Variants in DMD observed in about 807,000 individuals in gnomAD.
DMD encodes the protein mutant dystrophin.
Under a neutral mutation model 330.1 loss-of-function variants are expected in DMD, and 63 were observed. The ratio of observed to expected loss-of-function variants is 0.19; its 90% confidence interval spans 0.16 to 0.24. The LOEUF (loss-of-function observed/expected upper bound fraction) is 0.24, where lower values mean the gene tolerates loss of function less well. Ranked by LOEUF, DMD falls within the 10% of genes least tolerant of loss-of-function variation. DMD has a pLI of 1.00. For synonymous variants in DMD, 1,223 were observed against 959.8 expected, an observed-to-expected ratio of 1.27 and a Z score of -5.07; for missense variants, 3,344 against 2,684.1, an observed-to-expected ratio of 1.25 and a Z score of -5.43.
At chrX:32,828,596 CAT>C (rs1367652810) in intron 4 of DMD, among the ~76,000 whole-genome samples, 1 of 109,399 alleles carries the variant, frequency 9.1e-6, no homozygotes, top group Non-Finnish European at 1.9e-5. Flanking sequence ...CATCTATACA[CAT>C]ATATACATAT....
chrX:32,845,372 A>G, intron 3 of DMD, among the ~76,000 whole-genome samples: 1 of 112,083 alleles, frequency 8.9e-6, no homozygotes, highest in Admixed American at 9.5e-5. Context: ...CTCAATCCCA[A>G]AAGTTGTATC....
At chrX:32,304,919 C>G (rs1325011386) in intron 42 of DMD, among the ~76,000 whole-genome samples, 1 of 111,229 alleles carries the variant, frequency 9.0e-6, no homozygotes, top group East Asian at 2.8e-4. Flanking sequence ...AAATTCAACT[C>G]GAATTCAAAA....
chrX:32,909,416 C>T (rs900414586), intron 2 of DMD, among the ~76,000 whole-genome samples: 3 of 111,403 alleles, frequency 2.7e-5, no homozygotes, highest in Non-Finnish European at 5.7e-5. Context: ...ATAGTATTTC[C>T]GTGGGGGTAA....
At chrX:31,636,969 A>ACC (rs2079451095) in intron 54 of DMD, among the ~76,000 whole-genome samples, 1 of 112,057 alleles carries the variant, frequency 8.9e-6, no homozygotes, top group African/African-American at 3.2e-5. Flanking sequence ...ATAAGTTAGT[A>ACC]AATGTTGGTT....
chrX:31,669,632 G>C (rs1044198788), intron 53 of DMD, among the ~76,000 whole-genome samples: 1 of 111,184 alleles, frequency 9.0e-6, no homozygotes, highest in African/African-American at 3.3e-5. Context: ...TAAATGCAAA[G>C]GTTTACTTTT....
intron 51 of DMD, among the ~76,000 whole-genome samples, chrX:31,742,376 A>G (rs954991621): frequency 1.8e-5 from 2 of 112,158 alleles, no homozygotes; most frequent in Non-Finnish European, 3.8e-5. Context: ...CTGACTTTTG[A>G]TTTAAAGTGA....
rs780942951 is a variant in DMD at position 32,380,868 on chromosome X, T to A, written c.4675-188A>T. 2.7e-5 allele frequency among the ~76,000 whole-genome samples: 3 copies of A among 111,146 alleles called. No individual in the cohort carries two copies. In the East Asian group the frequency reaches 8.4e-4, roughly 31 times the overall value. ...GTGAATAAAAACTGTCTAGGGCAGA[T>A]GACATCGTTTGTCCAAAAGATAGGG... On this transcript the variant is annotated intron_variant, in intron 33 of 78. Coordinates refer to ENST00000357033, the MANE Select transcript of DMD (RefSeq NM_004006.3).
chrX:31,926,263 G>A (rs1024012065), intron 47 of DMD, among the ~76,000 whole-genome samples: 1 of 111,624 alleles, frequency 9.0e-6, no homozygotes, highest in African/African-American at 3.3e-5. Context: ...TTCATTGCAT[G>A]AAGCTACCCA....
At chrX:32,566,183 C>A (rs747550701) in intron 15 of DMD, among the ~76,000 whole-genome samples, 1 of 111,761 alleles carries the variant, frequency 8.9e-6, no homozygotes, top group Non-Finnish European at 1.9e-5. Flanking sequence ...GGTAATATTG[C>A]TTCAAAAGGC....
intron 1 of DMD, among the ~76,000 whole-genome samples, chrX:33,050,878 C>G (rs1319171134): frequency 1.8e-5 from 2 of 112,147 alleles, no homozygotes; most frequent in Non-Finnish European, 3.8e-5. Flanking sequence ...ATAGAACATT[C>G]TGAGCAATTT....
intron 43 of DMD, among the ~76,000 whole-genome samples, chrX:32,276,629 C>T (rs1221027058): frequency 2.7e-5 from 3 of 111,560 alleles, no homozygotes; most frequent in African/African-American, 9.8e-5. Flanking sequence ...AAGAGAGATA[C>T]AGTGTCTCGA....
intron 74 of DMD, among the ~76,000 whole-genome samples, chrX:31,162,719 T>C (rs1243178563): frequency 9.0e-6 from 1 of 111,596 alleles, no homozygotes; most frequent in East Asian, 2.8e-4. Flanking sequence ...TTGATAACAT[T>C]TTAATACAAG....
intron 55 of DMD, among the ~76,000 whole-genome samples, chrX:31,611,912 G>A (rs187640825): frequency 9.0e-6 from 1 of 110,883 alleles, no homozygotes; most frequent in East Asian, 2.8e-4. Flanking sequence ...ATATATTTAC[G>A]GGGTACATGA....
intron 62 of DMD, among the ~76,000 whole-genome samples, chrX:31,281,590 C>T (rs1312112068): frequency 9.0e-6 from 1 of 111,567 alleles, no homozygotes; most frequent in Non-Finnish European, 1.9e-5. Context: ...TTCTAATCTC[C>T]TTATATGACA....
intron 44 of DMD, among the ~76,000 whole-genome samples, chrX:32,090,134 A>C (rs2096465427): frequency 8.9e-6 from 1 of 112,086 alleles, no homozygotes; most frequent in East Asian, 2.8e-4. Flanking sequence ...AACCATGAGT[A>C]ACATAAAGTT....
intron 59 of DMD, among the ~76,000 whole-genome samples, chrX:31,471,504 T>C: frequency 8.9e-6 from 1 of 112,017 alleles, no homozygotes; most frequent in Middle Eastern, 4.6e-3. Flanking sequence ...CCCAGTGAGA[T>C]GAGCCGGGTA....
Position 32,698,001 on chromosome X carries a change from G to T in DMD, c.832-3C>A, listed in dbSNP as rs777492476. The stretch of plus-strand genomic sequence containing the variant: ...CCCTGTGCTAGACTGACCGTGATCT[G>T]CAGAGAAGGGTTTGGGGGAGTGGAT... On this transcript the variant is annotated splice_polypyrimidine_tract_variant and splice_region_variant and intron_variant, in intron 8 of 78. Coordinates refer to ENST00000357033, the MANE Select transcript of DMD (RefSeq NM_004006.3). The T allele has an allele frequency of 1.7e-6, 2 of 1,188,923 alleles. No individual in the cohort carries two copies. Among genetic ancestry groups the T allele is most frequent in the Non-Finnish European group, 1.1e-6 (1 of 883,749 alleles).
chrX:31,492,880 TG>T, intron 57 of DMD, among the ~76,000 whole-genome samples: 1 of 43,545 alleles, frequency 2.3e-5, no homozygotes, highest in Admixed American at 3.1e-4. Context: ...TGTCAGGGGG[TG>T]GGGGGCTAGG....
Position 31,971,166 on chromosome X carries a change from T to C in DMD, c.6439-2652A>G, listed in dbSNP as rs193096887. 2.5e-3 allele frequency among the ~76,000 whole-genome samples: 279 copies of C among 111,987 alleles called. 2 individuals carry two copies. Among genetic ancestry groups the C allele is most frequent in the African/African-American group, 8.7e-3 (270 of 30,872 alleles). On this transcript the variant is annotated intron_variant, in intron 44 of 78. Coordinates refer to ENST00000357033, the MANE Select transcript of DMD (RefSeq NM_004006.3). ...ATACTGCTGGTCCAGGAATACCTCT[T>C]TGAGTTGTAAGGTAATGGAGTAAAT...
Sources: allele counts gnomAD v4.1 joint callset (sites outside exome capture counted in the v4.1 genomes callset), GRCh38; gene constraint gnomAD v4.1.1; transcripts MANE v1.5; gene names NCBI Gene and HGNC (gene_info 2026-07-23, HGNC 2026-07-21).